ROBO2: variants seen among roughly 807,000 people sequenced by gnomAD.
ROBO2 encodes roundabout homolog 2.
In ROBO2, 53 loss-of-function variants were observed where a neutral mutation model predicts 160.8. The observed-to-expected ratio is 0.33, with a 90% confidence interval of 0.26 to 0.41. The LOEUF (loss-of-function observed/expected upper bound fraction) is 0.41, where lower values mean the gene tolerates loss of function less well. Ranked by LOEUF, ROBO2 falls within the 10% of genes least tolerant of loss-of-function variation. ROBO2 has a pLI of 1.00. For synonymous variants in ROBO2, 664 were observed against 611.7 expected (o/e 1.09, Z -1.26); for missense variants, 1,577 against 1,722.4 (o/e 0.92, Z 1.49).
chr3:76,001,673 G>A lies in ROBO2; in HGVS notation c.109+64071G>A, dbSNP rs144927628. 2.7e-3 allele frequency among the ~76,000 whole-genome samples: 412 copies of A among 152,162 alleles called. 2 individuals are homozygous for A. Among genetic ancestry groups the A allele is most frequent in the Non-Finnish European group, 5.2e-3 (353 of 68,002 alleles). On this transcript the variant is annotated intron_variant, in intron 2 of 26. Transcript: ENST00000487694. The stretch of plus-strand genomic sequence containing the variant: ...CCACCTCAGCCTCCTGGGTAATTGG[G>A]ACTACAGGCATTTGCCACCATGCCC...
At chr3:76,025,694 C>T (rs1024381685) in intron 2 of ROBO2, among the ~76,000 whole-genome samples, 51 of 151,772 alleles carry the variant, frequency 3.4e-4, no homozygotes, top group African/African-American at 1.1e-3. Flanking sequence ...AGAAAGCCCA[C>T]ATTAAGCGTG....
chr3:76,555,192 A>G (rs1560139986), intron 2 of ROBO2, among the ~76,000 whole-genome samples: 5 of 151,998 alleles, frequency 3.3e-5, no homozygotes, highest in Non-Finnish European at 1.5e-5. Flanking sequence ...GGAGAGGAAA[A>G]TAGGATAGGA....
At chr3:77,017,845 T>C (rs1175531313) in intron 2 of ROBO2, among the ~76,000 whole-genome samples, 1 of 152,216 alleles carries the variant, frequency 6.6e-6, no homozygotes, top group Admixed American at 6.5e-5. Flanking sequence ...TTTTTATTTA[T>C]GTTAACCCAT....
intron 2 of ROBO2, among the ~76,000 whole-genome samples, chr3:76,161,220 G>T (rs2072622986): frequency 1.3e-5 from 2 of 151,840 alleles, no homozygotes; most frequent in African/African-American, 2.4e-5. Flanking sequence ...GGGTGAAAAA[G>T]TCAAATAGCA....
chr3:77,188,259 C>T (rs777750600), intron 2 of ROBO2, among the ~76,000 whole-genome samples: 17 of 143,516 alleles, frequency 1.2e-4, no homozygotes, highest in South Asian at 1.0e-3. Flanking sequence ...TACAAACATA[C>T]GGAAAAATTA....
intron 1 of ROBO2, among the ~76,000 whole-genome samples, chr3:75,935,352 C>G (rs1947722469): frequency 6.6e-6 from 1 of 151,816 alleles, no homozygotes; most frequent in African/African-American, 2.4e-5. Context: ...GACCCTATCT[C>G]TATAAAAAAA....
chr3:76,961,101 A>G (rs1559767348), intron 2 of ROBO2, among the ~76,000 whole-genome samples: 2 of 152,206 alleles, frequency 1.3e-5, no homozygotes, highest in East Asian at 3.9e-4. Context: ...ATTTTCAATC[A>G]GATAATTTTT....
intron 2 of ROBO2, among the ~76,000 whole-genome samples, chr3:76,005,135 A>G (rs1041847983): frequency 3.3e-5 from 5 of 152,226 alleles, no homozygotes; most frequent in Admixed American, 6.5e-5. Flanking sequence ...TTCCAGAACC[A>G]TAAAGAATCT....
intron 2 of ROBO2, among the ~76,000 whole-genome samples, chr3:76,440,358 G>A (rs530538541): frequency 7.3e-5 from 11 of 151,716 alleles, no homozygotes; most frequent in African/African-American, 2.4e-4. Context: ...CCATTAACTC[G>A]TCATTTACAT....
chr3:76,158,319 A>G (rs1001389850), intron 2 of ROBO2, among the ~76,000 whole-genome samples: 14 of 152,112 alleles, frequency 9.2e-5, no homozygotes, highest in African/African-American at 2.9e-4. Flanking sequence ...CATTAGCTCT[A>G]AGAGTCAGGA....
chr3:76,167,656 C>A (rs1235076431), intron 2 of ROBO2, among the ~76,000 whole-genome samples: 3 of 152,164 alleles, frequency 2.0e-5, no homozygotes, highest in Non-Finnish European at 2.9e-5. Context: ...ACCTATTTGT[C>A]TCCTTCACTT....
At chr3:76,641,220 GA>G (rs369883473) in intron 2 of ROBO2, among the ~76,000 whole-genome samples, 2 of 152,190 alleles carry the variant, frequency 1.3e-5, no homozygotes, top group Non-Finnish European at 2.9e-5. Context: ...ACTACAAACT[GA>G]ATAACATTAG....
intron 2 of ROBO2, among the ~76,000 whole-genome samples, chr3:76,669,394 G>T (rs1236476912): frequency 1.3e-5 from 2 of 152,024 alleles, no homozygotes; most frequent in Non-Finnish European, 2.9e-5. Flanking sequence ...CTCCATTTTG[G>T]CAAAGAGACC....
rs151119636 is a variant in ROBO2, at chr3:75,941,025, A to G, written c.109+3423A>G. 2.1e-3 allele frequency among the ~76,000 whole-genome samples: 326 copies of G among 152,308 alleles called. 1 individual carries two copies. The highest frequency in any genetic ancestry group is 7.6e-3 in the African/African-American group (315 of 41,582). On this transcript the variant is annotated intron_variant, in intron 2 of 26. Transcript: ENST00000487694. ...ATCACAGCGCCAAACTCCTAGGTTC[A>G]TATGGTCCTCTCATCTCAGCCTCCT... is the stretch of plus-strand genomic sequence containing the variant.
chr3:77,029,425 A>G (rs2063174778), intron 2 of ROBO2, among the ~76,000 whole-genome samples: 1 of 152,224 alleles, frequency 6.6e-6, no homozygotes, highest in Non-Finnish European at 1.5e-5. Flanking sequence ...TCTATTTTAA[A>G]ACAGGAAAGC....
intron 2 of ROBO2, among the ~76,000 whole-genome samples, chr3:76,812,155 G>A (rs1232582978): frequency 6.6e-6 from 1 of 151,818 alleles, no homozygotes; most frequent in African/African-American, 2.4e-5. Context: ...TTACAGGTGT[G>A]AGCCACCGTG....
At chr3:76,435,501 C>T (rs770231295) in intron 2 of ROBO2, 28 of 656,940 alleles carry the variant, frequency 4.3e-5, no homozygotes, top group East Asian at 1.9e-4. Context: ...GTTCTTTTCG[C>T]GATTTCCTCT....
intron 2 of ROBO2, among the ~76,000 whole-genome samples, chr3:77,403,194 A>G (rs763861549): frequency 2.3e-4 from 35 of 152,222 alleles, no homozygotes; most frequent in Non-Finnish European, 4.7e-4. Flanking sequence ...TAACATGTGC[A>G]TTGTCTCACA....
intron 2 of ROBO2, among the ~76,000 whole-genome samples, chr3:76,230,800 A>AT (rs950762024): frequency 1.3e-5 from 2 of 152,116 alleles, no homozygotes; most frequent in African/African-American, 4.8e-5. Flanking sequence ...TTGGAAATAC[A>AT]TTTTTTGCAG....
Sources: allele counts gnomAD v4.1 joint callset (sites outside exome capture counted in the v4.1 genomes callset), GRCh38; gene constraint gnomAD v4.1.1; transcripts MANE v1.5; gene names NCBI Gene and HGNC (gene_info 2026-07-23, HGNC 2026-07-21).